HOOK3: variants seen among roughly 807,000 people sequenced by gnomAD.
The protein encoded by HOOK3 is protein Hook homolog 3.
Under a neutral mutation model 116.3 loss-of-function variants are expected in HOOK3, and 24 were observed. The ratio of observed to expected loss-of-function variants is 0.21; its 90% CI spans 0.15 to 0.29. The LOEUF is 0.29. HOOK3 is among the 10% of genes least tolerant of loss of function. The pLI is 1.00. For missense variants in HOOK3, 632 were observed against 830.2 expected, an observed-to-expected ratio of 0.76 and a Z score of 2.93; for synonymous variants, 275 against 283.0, an observed-to-expected ratio of 0.97 and a Z score of 0.28.
chr8:42,946,784 T>C (rs1288649290), intron 5 of HOOK3, among the ~76,000 whole-genome samples: 7 of 84,696 alleles, frequency 8.3e-5, no homozygotes, highest in East Asian at 3.6e-4. Context: ...TTTTTTTTTT[T>C]CTGGGACAGA....
At chr8:43,014,914 G>A (rs1809682938) in intron 21 of HOOK3, among the ~76,000 whole-genome samples, 1 of 152,024 alleles carries the variant, frequency 6.6e-6, no homozygotes, top group Non-Finnish European at 1.5e-5. Flanking sequence ...GGAGTCTGAG[G>A]CAGGCAGATC....
At chr8:42,934,160 A>T (rs915973686) in intron 4 of HOOK3, among the ~76,000 whole-genome samples, 11 of 151,886 alleles carry the variant, frequency 7.2e-5, no homozygotes, top group African/African-American at 2.7e-4. Context: ...TCCTTTAATT[A>T]TCTAACCCTT....
intron 2 of HOOK3, among the ~76,000 whole-genome samples, chr8:42,913,375 G>A (rs1180104718): frequency 6.6e-6 from 1 of 152,008 alleles, no homozygotes; most frequent in Non-Finnish European, 1.5e-5. Context: ...TATATAAATG[G>A]ACTCAGTATG....
intron 19 of HOOK3, among the ~76,000 whole-genome samples, chr8:43,011,273 G>A (rs1809607116): frequency 6.6e-6 from 1 of 152,122 alleles, no homozygotes; most frequent in Non-Finnish European, 1.5e-5. Flanking sequence ...GATTACAGGT[G>A]TGAGCCACCG....
chr8:42,982,542 A>ATGATTAATT (rs1808972073), intron 13 of HOOK3, 85 bp from the exon 14 acceptor site: 3 of 888,492 alleles, frequency 3.4e-6, no homozygotes, highest in East Asian at 2.5e-5. Context: ...TGCTGTTAAA[A>ATGATTAATT]TTAATGCTCA....
At chr8:42,946,991 G>A (rs1424667916) in intron 5 of HOOK3, among the ~76,000 whole-genome samples, 2 of 151,852 alleles carry the variant, frequency 1.3e-5, no homozygotes, top group Non-Finnish European at 2.9e-5. Flanking sequence ...GGCTGGTCTC[G>A]AGCTCCTGAC....
chr8:42,939,780 G>T (rs1394612727), intron 4 of HOOK3, among the ~76,000 whole-genome samples: 1 of 151,336 alleles, frequency 6.6e-6, no homozygotes, highest in African/African-American at 2.4e-5. Flanking sequence ...GCAGCTGCCG[G>T]GCAGAGGGTC....
intron 18 of HOOK3, among the ~76,000 whole-genome samples, chr8:43,008,949 G>A (rs1035497477): frequency 7.3e-5 from 11 of 151,498 alleles, no homozygotes; most frequent in Admixed American, 2.0e-4. Flanking sequence ...GTGAGCCACC[G>A]CGCCCGGCCT....
chr8:42,973,428 T>G, intron 12 of HOOK3, 29 bp downstream of exon 12: 1 of 1,441,058 alleles, frequency 6.9e-7, no homozygotes, highest in South Asian at 1.3e-5. Flanking sequence ...CATTTTGGTT[T>G]TGAGCACTGC....
chr8:42,944,178 G>A (rs991446214), intron 5 of HOOK3, among the ~76,000 whole-genome samples: 1 of 152,064 alleles, frequency 6.6e-6, no homozygotes, highest in Non-Finnish European at 1.5e-5. Context: ...ACTTTGGGAG[G>A]CCACGGTGGG....
intron 17 of HOOK3, among the ~76,000 whole-genome samples, chr8:43,005,138 G>A (rs561748691): frequency 4.8e-5 from 7 of 144,798 alleles, no homozygotes; most frequent in Admixed American, 2.8e-4. Context: ...AGAATAATAC[G>A]TAATGATTAA....
chr8:43,026,468 A>C lies in HOOK3; in HGVS notation c.*7970A>C, dbSNP rs1809935207. On this transcript the variant is annotated 3_prime_UTR_variant, in exon 22 of 22. Coordinates refer to ENST00000307602, the MANE Select transcript of HOOK3 (RefSeq NM_032410.4). ...AGAAATCTGTTGGAAGCTGGGTTGG[A>C]GCTACTGGATATGAGTTACTTTTTA... 4.8e-6 allele frequency: 1 copy of C among 209,488 alleles called. No individual in the cohort carries two copies. Among genetic ancestry groups the C allele is most frequent in the Admixed American group, 5.9e-5 (1 of 16,968 alleles). The allele number at this position is 209,488 out of a possible 1,614,324, so 13.0% of individuals were successfully genotyped here.
At chr8:43,001,573 G>A (rs1809381923) in intron 16 of HOOK3, among the ~76,000 whole-genome samples, 1 of 150,838 alleles carries the variant, frequency 6.6e-6, no homozygotes, top group South Asian at 2.1e-4. Flanking sequence ...CCCAGTGAAA[G>A]CTACATTCTC....
chr8:42,915,959 G>A (rs1807525401), intron 2 of HOOK3, among the ~76,000 whole-genome samples: 1 of 152,190 alleles, frequency 6.6e-6, no homozygotes, highest in African/African-American at 2.4e-5. Context: ...GAGATCCTAA[G>A]TGATGTGGGC....
chr8:43,019,287 A>C lies in HOOK3; in HGVS notation c.*789A>C, dbSNP rs962978244. The C allele has an allele frequency of 1.4e-5, 3 of 214,824 alleles. No homozygotes were observed. The highest frequency in any genetic ancestry group is 2.8e-5 in the Non-Finnish European group (3 of 106,660). The allele number at this position is 214,824 out of a possible 1,614,324, so 13.3% of individuals were successfully genotyped here. Reference sequence around the variant, plus strand: ...CATTAATTTCTTGTTCTTTTGGAATATCTTAGTAACTGAGGATCATTTTCT... The same window carrying C: ...CATTAATTTCTTGTTCTTTTGGAATCTCTTAGTAACTGAGGATCATTTTCT... On this transcript the variant is annotated 3_prime_UTR_variant, in exon 22 of 22. Transcript: ENST00000307602.
chr8:42,956,960 G>T (rs1368413859), intron 6 of HOOK3, 134 bp from the exon 7 acceptor site: 2 of 456,990 alleles, frequency 4.4e-6, no homozygotes, highest in Non-Finnish European at 7.7e-6. Flanking sequence ...TTAATGCAAA[G>T]TGTTTTACAT....
chr8:42,937,087 A>T (rs1294159704), intron 4 of HOOK3, among the ~76,000 whole-genome samples: 1 of 151,926 alleles, frequency 6.6e-6, no homozygotes, highest in African/African-American at 2.4e-5. Flanking sequence ...GTATTCAGGG[A>T]TTTGACTTCT....
chr8:42,996,290 G>C (rs988176411), intron 15 of HOOK3, among the ~76,000 whole-genome samples: 12 of 151,420 alleles, frequency 7.9e-5, no homozygotes, highest in African/African-American at 2.2e-4. Flanking sequence ...GGAGGCTGAG[G>C]CACGAGGATT....
At chr8:42,947,895 C>T (rs1480749684) in intron 5 of HOOK3, among the ~76,000 whole-genome samples, 1 of 151,872 alleles carries the variant, frequency 6.6e-6, no homozygotes, top group Admixed American at 6.6e-5. Context: ...AAGCAGTGTA[C>T]AGATTAAAAG....
Sources: gnomAD v4.1 joint callset for allele counts (sites outside exome capture counted in the v4.1 genomes callset) on GRCh38, gnomAD v4.1.1 for gene constraint, MANE v1.5 for transcripts, NCBI Gene and HGNC (gene_info 2026-07-23, HGNC 2026-07-21) for gene names.